Variants in ARHGAP15 observed in about 807,000 individuals in gnomAD.
The protein encoded by ARHGAP15 is rho GTPase-activating protein 15.
ARHGAP15 carries 51 observed loss-of-function variants against 63.7 expected under a neutral mutation model. That is an observed-to-expected ratio of 0.80 (90% confidence interval 0.64 to 1.01). The LOEUF (loss-of-function observed/expected upper bound fraction) is 1.01, where lower values mean the gene tolerates loss of function less well. Among genes scored for constraint, ARHGAP15 ranks in the 50% least tolerant of loss-of-function variants. The pLI, the probability that ARHGAP15 is intolerant of heterozygous loss-of-function variation, is 0.00. For synonymous variants in ARHGAP15, 191 were observed against 193.8 expected (o/e 0.99, Z 0.12); for missense variants, 560 against 564.6 (o/e 0.99, Z 0.08).
At chr2:143,412,922 T>G (rs1688503435) in intron 6 of ARHGAP15, among the ~76,000 whole-genome samples, 1 of 152,204 alleles carries the variant, frequency 6.6e-6, no homozygotes, top group African/African-American at 2.4e-5. Context: ...CTATGTTTAA[T>G]CTACTATCAA....
intron 13 of ARHGAP15, among the ~76,000 whole-genome samples, chr2:143,713,925 G>C (rs1306530645): frequency 6.6e-6 from 1 of 152,202 alleles, no homozygotes; most frequent in Non-Finnish European, 1.5e-5. Context: ...GGCATCGAGT[G>C]TCTGCAGCTT....
At position 143,717,561 on chromosome 2, in the gene ARHGAP15, C is replaced by G. The variant is rs77855987; in HGVS notation, c.1244+14037C>G. On this transcript the variant is annotated intron_variant, in intron 13 of 13. Coordinates refer to ENST00000295095, the MANE Select transcript of ARHGAP15 (RefSeq NM_018460.4). ...AAATAGGTTATTTTAAATAATATTT[C>G]TTAGCCACTTCTTGTCAGCAAAGCT... Among the ~76,000 whole-genome samples, 896 of 152,318 alleles carry G rather than the reference C, an allele frequency of 5.9e-3. 8 individuals are homozygous for G. Among genetic ancestry groups the G allele is most frequent in the African/African-American group, 0.021 (858 of 41,574 alleles).
At chr2:143,251,029 A>C (rs1680134098) in intron 6 of ARHGAP15, among the ~76,000 whole-genome samples, 1 of 152,020 alleles carries the variant, frequency 6.6e-6, no homozygotes, top group African/African-American at 2.4e-5. Context: ...ACTTACAAGA[A>C]TGGAGAGGGC....
At chr2:143,757,470 G>A (rs1320594421) in intron 13 of ARHGAP15, among the ~76,000 whole-genome samples, 3 of 151,924 alleles carry the variant, frequency 2.0e-5, no homozygotes, top group African/African-American at 4.8e-5. Flanking sequence ...GAGACAATGC[G>A]ACTACATTCC....
At chr2:143,582,358 A>C (rs1181891085) in intron 11 of ARHGAP15, among the ~76,000 whole-genome samples, 1 of 152,192 alleles carries the variant, frequency 6.6e-6, no homozygotes, top group Non-Finnish European at 1.5e-5. Context: ...TTCATCAAAA[A>C]TCGAGGGCAC....
At chr2:143,440,990 C>T (rs552612958) in intron 8 of ARHGAP15, among the ~76,000 whole-genome samples, 2 of 152,186 alleles carry the variant, frequency 1.3e-5, no homozygotes, top group Non-Finnish European at 2.9e-5. Flanking sequence ...CTGAGCTTTA[C>T]TTTCCACATC....
At chr2:143,130,652 C>A (rs1688883179) in intron 1 of ARHGAP15, among the ~76,000 whole-genome samples, 3 of 152,064 alleles carry the variant, frequency 2.0e-5, no homozygotes, top group African/African-American at 4.8e-5. Flanking sequence ...ATTTTAAGAC[C>A]TCTTCAATTG....
intron 2 of ARHGAP15, among the ~76,000 whole-genome samples, chr2:143,172,348 G>A (rs10176686): frequency 0.18 from 26,878 of 151,932 alleles, 2,521 homozygotes; most frequent in East Asian, 0.32. Flanking sequence ...CTTTGCAGTC[G>A]ACTACAAGGA....
chr2:143,629,491 A>ATGAT (rs1006130099), intron 12 of ARHGAP15, among the ~76,000 whole-genome samples: 10 of 152,160 alleles, frequency 6.6e-5, no homozygotes, highest in African/African-American at 2.4e-4. Flanking sequence ...AGGGAGTTTT[A>ATGAT]TGATAGGTGA....
rs375548574 is a variant in ARHGAP15, at chr2:143,675,822, TAA to T, written c.1139-27595_1139-27594del. On this transcript the variant is annotated intron_variant, in intron 12 of 13. Coordinates refer to ENST00000295095, the MANE Select transcript of ARHGAP15 (RefSeq NM_018460.4). The stretch of plus-strand genomic sequence containing the variant: ...TGGTAAATGAGCACTGGCTTCAACT[TAA>T]AGTCACCAGCTGCATTAACCCCTAA... Among the ~76,000 whole-genome samples the T allele has an allele frequency of 7.2e-5, 11 of 152,320 alleles. No individual in the cohort carries two copies. The East Asian group carries it at 1.4e-3, about 19-fold the overall frequency.
chr2:143,330,211 G>T (rs1261370890), intron 6 of ARHGAP15, among the ~76,000 whole-genome samples: 3 of 146,032 alleles, frequency 2.1e-5, no homozygotes, highest in Non-Finnish European at 3.0e-5. Flanking sequence ...GTGTTTATTT[G>T]TCAAAAGCAA....
At chr2:143,200,804 G>A (rs16858822) in intron 2 of ARHGAP15, among the ~76,000 whole-genome samples, 25,743 of 151,910 alleles carry the variant, frequency 0.17, 2,374 homozygotes, top group Middle Eastern at 0.24. Flanking sequence ...GAGTATTTAA[G>A]CACATCTGGT....
chr2:143,566,571 C>G lies in ARHGAP15; in HGVS notation c.1003+10086C>G, dbSNP rs1441752446. Among the ~76,000 whole-genome samples the G allele has an allele frequency of 2.0e-5, 3 of 152,114 alleles. No homozygotes were observed. In the East Asian group the frequency reaches 5.8e-4, roughly 29 times the overall value. On this transcript the variant is annotated intron_variant, in intron 11 of 13. Transcript: ENST00000295095. Reference sequence around the variant, plus strand: ...TCTGCAGGCATCCCAGGTCTGCTCCCTCCTCTCTCTCTGACCTCACTGTGT... The same window carrying G: ...TCTGCAGGCATCCCAGGTCTGCTCCGTCCTCTCTCTCTGACCTCACTGTGT...
intron 2 of ARHGAP15, chr2:143,162,381 C>A (rs1304979961): frequency 6.6e-6 from 1 of 151,964 alleles, no homozygotes. Flanking sequence ...TTCTGTAGTT[C>A]ATGTACAGAG....
At chr2:143,167,334 C>G (rs1160915974) in intron 2 of ARHGAP15, among the ~76,000 whole-genome samples, 2 of 152,080 alleles carry the variant, frequency 1.3e-5, no homozygotes, top group African/African-American at 4.8e-5. Flanking sequence ...GGCCATTTTA[C>G]TAACGTGCAC....
intron 2 of ARHGAP15, among the ~76,000 whole-genome samples, chr2:143,183,548 G>A (rs1321130060): frequency 1.3e-5 from 2 of 152,014 alleles, no homozygotes; most frequent in African/African-American, 4.8e-5. Context: ...GTATATAAAA[G>A]TATCTAAAAA....
At chr2:143,176,473 G>A (rs529199819) in intron 2 of ARHGAP15, among the ~76,000 whole-genome samples, 1 of 151,956 alleles carries the variant, frequency 6.6e-6, no homozygotes, top group South Asian at 2.1e-4. Context: ...CTTGAGTTTT[G>A]GGCAGCTAGT....
At chr2:143,626,124 C>A (rs990703882) in intron 12 of ARHGAP15, among the ~76,000 whole-genome samples, 4 of 152,046 alleles carry the variant, frequency 2.6e-5, no homozygotes, top group Non-Finnish European at 5.9e-5. Context: ...CGGAACATGG[C>A]AGAGTTGAGG....
chr2:143,641,606 C>A (rs1680603183), intron 12 of ARHGAP15, among the ~76,000 whole-genome samples: 1 of 152,030 alleles, frequency 6.6e-6, no homozygotes, highest in South Asian at 2.1e-4. Flanking sequence ...AGTAAATTTA[C>A]AGTAAGCTTA....
Sources: gnomAD v4.1 joint callset for allele counts (sites outside exome capture counted in the v4.1 genomes callset) on GRCh38, gnomAD v4.1.1 for gene constraint, MANE v1.5 for transcripts, NCBI Gene and HGNC (gene_info 2026-07-23, HGNC 2026-07-21) for gene names.